The following ANKRD30A variants were observed in gnomAD, a reference collection of about 807,000 sequenced individuals.
ANKRD30A encodes ankyrin repeat domain 30A.
ANKRD30A carries 170 observed loss-of-function variants against 166.3 expected under a neutral mutation model. The ratio of observed to expected loss-of-function variants is 1.02; its 90% confidence interval spans 0.90 to 1.16. The LOEUF (loss-of-function observed/expected upper bound fraction) is 1.16, where lower values mean the gene tolerates loss of function less well. Among genes scored for constraint, ANKRD30A ranks in the 50% most tolerant of loss-of-function variants. The pLI, the probability that ANKRD30A is intolerant of heterozygous loss-of-function variation, is 0.00. For synonymous variants in ANKRD30A, 564 were observed against 508.9 expected, an observed-to-expected ratio of 1.11 and a Z score of -1.46; for missense variants, 1,630 against 1,518.0, an observed-to-expected ratio of 1.07 and a Z score of -1.23.
At chr10:37,250,924 C>G in the ANKRD30A span, among the ~76,000 whole-genome samples, 1 of 152,180 alleles carries the variant, frequency 6.6e-6, no homozygotes, top group African/African-American at 2.4e-5. Flanking sequence ...AGCTACCAAT[C>G]AAAACACACC....
At chr10:37,143,326 G>T (rs1837285786) in intron 7 of ANKRD30A, among the ~76,000 whole-genome samples, 1 of 152,184 alleles carries the variant, frequency 6.6e-6, no homozygotes, top group South Asian at 2.1e-4. Context: ...ATAAGGCAGA[G>T]ATTGGCAAAC....
chr10:37,232,259 G>A (rs1843444068), intron 35 of ANKRD30A, among the ~76,000 whole-genome samples: 1 of 151,482 alleles, frequency 6.6e-6, no homozygotes. Flanking sequence ...ACACAAGACT[G>A]GATCTTTAAT....
chr10:37,206,548 G>A (rs916962745), intron 31 of ANKRD30A, among the ~76,000 whole-genome samples: 1 of 152,106 alleles, frequency 6.6e-6, no homozygotes, highest in Non-Finnish European at 1.5e-5. Context: ...CCAGCACTTT[G>A]GGAGGCCAAG....
chr10:37,228,419 GTTCTCTTTATT>G (rs1382658547), intron 34 of ANKRD30A, among the ~76,000 whole-genome samples: 2 of 149,054 alleles, frequency 1.3e-5, no homozygotes, highest in Non-Finnish European at 3.0e-5. Context: ...ATTCTACAAT[GTTCTCTTTATT>G]TTCTCATTGA....
At chr10:37,150,592 A>G (rs535310956) in intron 11 of ANKRD30A, among the ~76,000 whole-genome samples, 5 of 152,086 alleles carry the variant, frequency 3.3e-5, no homozygotes, top group Admixed American at 1.3e-4. Context: ...CTTCTAATGC[A>G]TACATGGTTG....
At chr10:37,153,454 G>A (rs1564495435) in intron 12 of ANKRD30A, 118 bp from the exon 13 acceptor site, 12 of 1,482,864 alleles carry the variant, frequency 8.1e-6, no homozygotes, top group Middle Eastern at 2.5e-4. Flanking sequence ...CACTTAAGTC[G>A]AATTGTTTGC....
intron 32 of ANKRD30A, among the ~76,000 whole-genome samples, chr10:37,216,733 T>A (rs1009372534): frequency 5.3e-5 from 8 of 151,272 alleles, no homozygotes; most frequent in African/African-American, 1.9e-4. Flanking sequence ...TTTCTACTTT[T>A]CTAATTATTG....
At chr10:37,160,045 C>G (rs1838733541) in intron 15 of ANKRD30A, among the ~76,000 whole-genome samples, 1 of 152,182 alleles carries the variant, frequency 6.6e-6, no homozygotes, top group African/African-American at 2.4e-5. Context: ...ACATATTGTC[C>G]TGGAACTTCC....
chr10:37,198,221 C>T (rs1841315560), intron 29 of ANKRD30A, among the ~76,000 whole-genome samples: 1 of 151,928 alleles, frequency 6.6e-6, no homozygotes, highest in South Asian at 2.1e-4. Context: ...TGTGCGTGGT[C>T]ATATTTAATA....
At chr10:37,157,523 A>G (rs779882070) in intron 13 of ANKRD30A, among the ~76,000 whole-genome samples, 3 of 152,096 alleles carry the variant, frequency 2.0e-5, no homozygotes, top group Non-Finnish European at 4.4e-5. Flanking sequence ...GTACCACCAT[A>G]CCTGGCTGAT....
the ANKRD30A span, among the ~76,000 whole-genome samples, chr10:37,253,316 A>C: frequency 1.3e-5 from 2 of 152,200 alleles, no homozygotes; most frequent in Admixed American, 1.3e-4. Context: ...TGACTGAGGA[A>C]CCAAATTTTT....
intron 5 of ANKRD30A, among the ~76,000 whole-genome samples, chr10:37,135,650 A>G (rs1353319402): frequency 6.6e-6 from 1 of 152,210 alleles, no homozygotes; most frequent in African/African-American, 2.4e-5. Context: ...GCATCATTCT[A>G]TCAAAGATTT....
chr10:37,132,178 T>C (rs1402390148), intron 3 of ANKRD30A, 62 bp from the exon 4 acceptor site: 7 of 1,124,548 alleles, frequency 6.2e-6, no homozygotes, highest in Non-Finnish European at 8.8e-6. Flanking sequence ...TTATATAAGG[T>C]ATTCAGTTCA....
intron 34 of ANKRD30A, 38 bp downstream of exon 34, chr10:37,219,935 T>C: frequency 2.2e-6 from 3 of 1,364,834 alleles, no homozygotes; most frequent in Non-Finnish European, 2.9e-6. Context: ...TCAAACTTCC[T>C]GAAAGAAAGT....
chr10:37,213,565 T>C (rs1442900053), intron 31 of ANKRD30A, among the ~76,000 whole-genome samples: 1 of 151,070 alleles, frequency 6.6e-6, no homozygotes, highest in Non-Finnish European at 1.5e-5. Context: ...TCTTTTTTTT[T>C]TTTTTTTTGG....
the ANKRD30A span, among the ~76,000 whole-genome samples, chr10:37,261,380 A>C: frequency 6.6e-6 from 1 of 152,178 alleles, no homozygotes; most frequent in Non-Finnish European, 1.5e-5. Flanking sequence ...TGAGTAGTAA[A>C]TATCCCCCCA....
At chr10:37,154,190 G>A (rs1010810482) in intron 13 of ANKRD30A, among the ~76,000 whole-genome samples, 1 of 152,136 alleles carries the variant, frequency 6.6e-6, no homozygotes, top group Admixed American at 6.5e-5. Flanking sequence ...ACCATGGAGA[G>A]CTGTGTTCTA....
intron 13 of ANKRD30A, among the ~76,000 whole-genome samples, chr10:37,156,555 G>A (rs1297070390): frequency 1.3e-5 from 2 of 152,006 alleles, no homozygotes; most frequent in African/African-American, 4.8e-5. Context: ...TCATCTCTGC[G>A]TGTTTTGCTT....
chr10:37,156,398 G>C (rs1255114146), intron 13 of ANKRD30A, among the ~76,000 whole-genome samples: 1 of 152,048 alleles, frequency 6.6e-6, no homozygotes, highest in Non-Finnish European at 1.5e-5. Flanking sequence ...AACTAAGGTG[G>C]TATTTTCCTA....
Sources: gnomAD v4.1 joint callset for allele counts (sites outside exome capture counted in the v4.1 genomes callset) on GRCh38, gnomAD v4.1.1 for gene constraint, MANE v1.5 for transcripts, NCBI Gene and HGNC (gene_info 2026-07-23, HGNC 2026-07-21) for gene names.